GATAD2B: variants seen among roughly 807,000 people sequenced by gnomAD.
The protein encoded by GATAD2B is GATA zinc finger domain containing 2B.
GATAD2B carries 8 observed loss-of-function variants against 64.3 expected under a neutral mutation model. That is an observed-to-expected ratio of 0.12 (90% CI 0.07 to 0.22). The LOEUF (loss-of-function observed/expected upper bound fraction) is 0.22, where lower values mean the gene tolerates loss of function less well. Among genes scored for constraint, GATAD2B ranks in the 10% least tolerant of loss-of-function variants. The probability of loss-of-function intolerance (pLI) is 1.00; values close to 1 mark genes in which losing one functional copy is unlikely to be tolerated. For missense variants in GATAD2B, 453 were observed against 752.0 expected, an observed-to-expected ratio of 0.60 and a Z score of 4.65; for synonymous variants, 281 against 271.3, an observed-to-expected ratio of 1.04 and a Z score of -0.35.
In GATAD2B at chr1:153,807,486, A is replaced by G. The variant is rs1232297335; in HGVS notation, c.*2691T>C. ...CTGGGAAGAGTATGAAAATGGGGAG[A>G]AGAAAGGGTAAGAAATCAAACCTCA... On this transcript the variant is annotated 3_prime_UTR_variant, in exon 11 of 11. Transcript: ENST00000368655. 5 of 152,132 alleles carry G rather than the reference A, an allele frequency of 3.3e-5. No homozygotes were observed. The highest frequency in any genetic ancestry group is 2.6e-4 in the Admixed American group (4 of 15,266). 9.4% of individuals were successfully genotyped at this position (152,132 alleles called of 1,614,324 possible). A position where few individuals can be genotyped will look rare whatever the true frequency, so the allele number is the denominator to read the frequency against.
intron 1 of GATAD2B, among the ~76,000 whole-genome samples, chr1:153,904,996 C>T (rs1040062395): frequency 2.0e-5 from 3 of 150,956 alleles, no homozygotes; most frequent in Non-Finnish European, 4.4e-5. Context: ...CATGAGCCAC[C>T]GCCCTGGCCC....
chr1:153,865,045 G>A lies in GATAD2B; in HGVS notation c.-1-36697C>T, dbSNP rs557257318. Among the ~76,000 whole-genome samples, 169 of 149,956 alleles carry A rather than the reference G, an allele frequency of 1.1e-3. 1 individual carries two copies. Among genetic ancestry groups the A allele is most frequent in the Non-Finnish European group, 1.4e-3 (95 of 67,268 alleles). ...AGATCCCGCCACTGCACTCCAGCCT[G>A]GGTGACAGAGAGACACTCCATTTCA... is the stretch of plus-strand genomic sequence containing the variant. On this transcript the variant is annotated intron_variant, in intron 1 of 10. Coordinates refer to ENST00000368655, the MANE Select transcript of GATAD2B (RefSeq NM_020699.4).
At position 153,816,229 on chromosome 1, in the gene GATAD2B, G is replaced by A. The variant is rs768555081; in HGVS notation, c.1216+44C>T. 1 of 1,325,498 alleles carries A rather than the reference G, an allele frequency of 7.5e-7. No individual in the cohort carries two copies. The highest frequency in any genetic ancestry group is 1.2e-5 in the South Asian group (1 of 81,276). The allele number at this position is 1,325,498 out of a possible 1,614,324, so 82.1% of individuals were successfully genotyped here. A position where few individuals can be genotyped will look rare whatever the true frequency, so the allele number is the denominator to read the frequency against. On this transcript the variant is annotated intron_variant, in intron 7 of 10. Transcript: ENST00000368655. The surrounding 1 kb of genome is among the most constrained non-coding windows in gnomAD (Gnocchi z 4.9). ...ACTCTGCCTATGTCAATCAGGCTTG[G>A]CAACCACTTGCTTAAATAGATTGAT...
intron 1 of GATAD2B, among the ~76,000 whole-genome samples, chr1:153,861,822 A>ATGTATG (rs1553194179): frequency 2.2e-5 from 3 of 136,260 alleles, no homozygotes; most frequent in African/African-American, 7.9e-5. Flanking sequence ...ACATATGTAT[A>ATGTATG]TATATGTATA....
intron 1 of GATAD2B, among the ~76,000 whole-genome samples, chr1:153,922,335 T>A (rs1423763290): frequency 9.1e-6 from 1 of 109,990 alleles, no homozygotes; most frequent in Non-Finnish European, 1.9e-5. Flanking sequence ...GAGGGGAGCA[T>A]GGCGGGCATG....
intron 1 of GATAD2B, among the ~76,000 whole-genome samples, chr1:153,841,658 T>TTTATTG (rs1675499866): frequency 6.6e-6 from 1 of 152,212 alleles, no homozygotes; most frequent in African/African-American, 2.4e-5. Flanking sequence ...TGAGTAGTAT[T>TTTATTG]CCATGGTATG....
intron 1 of GATAD2B, among the ~76,000 whole-genome samples, chr1:153,904,009 G>A (rs78762768): frequency 0.053 from 7,982 of 151,574 alleles, 359 homozygotes; most frequent in South Asian, 0.17. Context: ...TGCCAGGCCC[G>A]GTGGCTCACG....
intron 1 of GATAD2B, among the ~76,000 whole-genome samples, chr1:153,884,291 T>C (rs561321049): frequency 6.6e-6 from 1 of 152,232 alleles, no homozygotes; most frequent in Admixed American, 6.5e-5. Context: ...TACAAAAAAA[T>C]TAGCCAGGCG....
intron 8 of GATAD2B, among the ~76,000 whole-genome samples, chr1:153,812,642 C>T (rs1674333362): frequency 6.6e-6 from 1 of 152,154 alleles, no homozygotes. Flanking sequence ...TACCACCAGT[C>T]CTAGAGCATA....
intron 1 of GATAD2B, among the ~76,000 whole-genome samples, chr1:153,918,773 T>C (rs1437029542): frequency 6.6e-6 from 1 of 151,980 alleles, no homozygotes; most frequent in African/African-American, 2.4e-5. Context: ...GCCAACATGG[T>C]GAAACCGTCT....
chr1:153,827,486 A>G (rs1674926447), intron 2 of GATAD2B: 1 of 154,150 alleles, frequency 6.5e-6, no homozygotes, highest in African/African-American at 2.4e-5. Context: ...ACATACATGT[A>G]CAAGTGAATG....
chr1:153,889,751 A>C (rs1037100128), intron 1 of GATAD2B: 6 of 328,264 alleles, frequency 1.8e-5, no homozygotes, highest in Non-Finnish European at 2.6e-5. Flanking sequence ...AAATGTTAGT[A>C]ATTTTTGAAG....
At chr1:153,900,800 G>GA (rs1412637823) in intron 1 of GATAD2B, among the ~76,000 whole-genome samples, 3 of 151,536 alleles carry the variant, frequency 2.0e-5, no homozygotes, top group South Asian at 4.2e-4. Context: ...AAGACAATAT[G>GA]AAAAAAAATG....
chr1:153,888,452 G>C lies in GATAD2B; in HGVS notation c.-2+34281C>G, dbSNP rs1677250209. On this transcript the variant is annotated intron_variant, in intron 1 of 10. Coordinates refer to ENST00000368655, the MANE Select transcript of GATAD2B (RefSeq NM_020699.4). ...ATCAGCAGCATGCTATTGATTCCCA[G>C]TGATGAGGTGTGCAAATACTTCATT... Among the ~76,000 whole-genome samples, 3 of 152,284 alleles carry C rather than the reference G, an allele frequency of 2.0e-5. No homozygotes were observed. In the South Asian group the frequency reaches 6.2e-4, roughly 32 times the overall value.
chr1:153,841,124 CAAAAAAAAAAA>C (rs941317761), intron 1 of GATAD2B, among the ~76,000 whole-genome samples: 1 of 77,438 alleles, frequency 1.3e-5, no homozygotes, highest in African/African-American at 5.5e-5. Flanking sequence ...GACTCCGTCT[CAAAAAAAAAAA>C]AAAAAAGAAA....
chr1:153,817,530 T>C lies in GATAD2B; in HGVS notation c.742A>G (p.Ile248Val). 6.3e-7 allele frequency: 1 copy of C among 1,597,698 alleles called. No homozygotes were observed. The highest frequency in any genetic ancestry group is 8.5e-7 in the Non-Finnish European group (1 of 1,172,940). ...NLRTLQGHSV[I>V]RSATNTTLPH... ...AGGGTGGTATTGGTAGCTGAACGGA[T>C]GACACTGTGACCCTGGAGGGGAAGA... The change falls in exon 6 of 11, where the codon ATC becomes GTC. Residue 248 changes from isoleucine (I) to valine (V), a missense_variant. Transcript: ENST00000368655.
At chr1:153,910,296 G>T (rs1042065138) in intron 1 of GATAD2B, among the ~76,000 whole-genome samples, 4 of 152,056 alleles carry the variant, frequency 2.6e-5, no homozygotes, top group African/African-American at 7.2e-5. Flanking sequence ...ACTTACAATG[G>T]CTCAACTTAA....
intron 1 of GATAD2B, among the ~76,000 whole-genome samples, chr1:153,908,657 A>T (rs770454361): frequency 1.3e-4 from 20 of 151,568 alleles, no homozygotes; most frequent in Admixed American, 4.6e-4. Flanking sequence ...TAGTAGAAAC[A>T]GGGATTCTCC....
At chr1:153,895,988 TGTC>T (rs1300616496) in intron 1 of GATAD2B, among the ~76,000 whole-genome samples, 14 of 89,808 alleles carry the variant, frequency 1.6e-4, no homozygotes, top group Non-Finnish European at 2.6e-4. Context: ...AGCAAGACTC[TGTC>T]TTAAAAAAAA....
Sources: gnomAD v4.1 joint callset for allele counts (sites outside exome capture counted in the v4.1 genomes callset) on GRCh38, gnomAD v4.1.1 for gene constraint, Gnocchi (gnomAD v3.1) non-coding constraint, MANE v1.5 for transcripts, NCBI Gene and HGNC (gene_info 2026-07-23, HGNC 2026-07-21) for gene names.